Variants in CYS1 observed in about 807,000 individuals in gnomAD.
The protein encoded by CYS1 is cystin 1, also known as cystin-1.
CYS1 carries 5 observed loss-of-function variants against 9.6 expected under a neutral mutation model. The ratio of observed to expected loss-of-function variants is 0.52; its 90% CI spans 0.27 to 1.10. The LOEUF (loss-of-function observed/expected upper bound fraction) is 1.10, where lower values mean the gene tolerates loss of function less well. CYS1 is among the 50% of genes least tolerant of loss of function. The pLI, the probability that CYS1 is intolerant of heterozygous loss-of-function variation, is 0.11. For synonymous variants in CYS1, 88 were observed against 95.7 expected, an observed-to-expected ratio of 0.92 and a Z score of 0.47; for missense variants, 221 against 207.9, an observed-to-expected ratio of 1.06 and a Z score of -0.39.
intron 1 of CYS1, among the ~76,000 whole-genome samples, chr2:10,073,746 A>G (rs1661807632): frequency 6.6e-6 from 1 of 152,090 alleles, no homozygotes; most frequent in African/African-American, 2.4e-5. Flanking sequence ...CAAGGTTAAG[A>G]GCTCTTGGTC....
intron 1 of CYS1, among the ~76,000 whole-genome samples, chr2:10,073,984 C>T (rs530161383): frequency 6.6e-6 from 1 of 152,176 alleles, no homozygotes; most frequent in East Asian, 1.9e-4. Context: ...TCCCCCGGGT[C>T]GAGGCACTGG....
intron 1 of CYS1, among the ~76,000 whole-genome samples, chr2:10,068,047 G>A (rs1572457266): frequency 6.6e-6 from 1 of 152,158 alleles, no homozygotes; most frequent in African/African-American, 2.4e-5. Context: ...TCTCTATGCT[G>A]TGTTCTGGGT....
At chr2:10,067,542 G>A (rs1370688415) in intron 1 of CYS1, among the ~76,000 whole-genome samples, 7 of 151,334 alleles carry the variant, frequency 4.6e-5, no homozygotes, top group Non-Finnish European at 8.8e-5. Flanking sequence ...CGTGTAGCTG[G>A]GACTACAGGC....
chr2:10,080,339 G>T lies in CYS1; in HGVS notation c.-116C>A, dbSNP rs1661933429. 1 of 628,654 alleles carries T rather than the reference G, an allele frequency of 1.6e-6. No homozygotes were observed. The highest frequency in any genetic ancestry group is 2.0e-6 in the Non-Finnish European group (1 of 501,784). The allele number at this position is 628,654 out of a possible 1,614,324, so 38.9% of individuals were successfully genotyped here. ...GCTGCAGGGGGAGGCGCGGGGCGAGGTCCGGGAAGCGACCGCGGCCAGGGG... is the reference window on the plus strand; with the variant it reads ...GCTGCAGGGGGAGGCGCGGGGCGAGTTCCGGGAAGCGACCGCGGCCAGGGG... On this transcript the variant is annotated 5_prime_UTR_variant, in exon 1 of 3. Transcript: ENST00000381813. The surrounding 1 kb of genome is among the most constrained non-coding windows in gnomAD (Gnocchi z 6.4).
chr2:10,076,262 A>T lies in CYS1; in HGVS notation c.318+3644T>A, dbSNP rs1285794316. ...AATTTCTTCTCCAAGGGTTCCTTCAAATTTCACGAGGGCATCTAATGCTCA... is the reference window on the plus strand; with the variant it reads ...AATTTCTTCTCCAAGGGTTCCTTCATATTTCACGAGGGCATCTAATGCTCA... On this transcript the variant is annotated intron_variant, in intron 1 of 2. Transcript: ENST00000381813. This position sits in a 1 kb window ranked among gnomAD's most constrained non-coding sequence, Gnocchi z 4.3. Among the ~76,000 whole-genome samples the T allele has an allele frequency of 2.0e-5, 3 of 152,126 alleles. No individual in the cohort carries two copies. The highest frequency in any genetic ancestry group is 4.4e-5 in the Non-Finnish European group (3 of 68,024).
intron 1 of CYS1, among the ~76,000 whole-genome samples, chr2:10,077,496 G>A (rs376190251): frequency 7.2e-5 from 11 of 152,282 alleles, no homozygotes; most frequent in Admixed American, 5.2e-4. Flanking sequence ...GCTATTAAAG[G>A]TTTCTTTTCC....
At chr2:10,075,281 G>A (rs970068233) in intron 1 of CYS1, among the ~76,000 whole-genome samples, 1 of 152,192 alleles carries the variant, frequency 6.6e-6, no homozygotes, top group Admixed American at 6.5e-5. Context: ...GGATTCCCAC[G>A]CCTCCACGTG....
chr2:10,065,598 T>C (rs1290213163), intron 2 of CYS1, among the ~76,000 whole-genome samples: 4 of 152,378 alleles, frequency 2.6e-5, no homozygotes, highest in African/African-American at 9.6e-5. Flanking sequence ...GCGCACAGCA[T>C]GGCACCTGAA....
rs912049007 is a variant in CYS1 at position 10,059,069 on chromosome 2, G to T, written c.372-111C>A. Reference sequence around the variant, plus strand: ...GTGGGCCCATCCTGAAACCCAAACCGAAGTCTTTGCCCTGGGACACCCTGT... The same window carrying T: ...GTGGGCCCATCCTGAAACCCAAACCTAAGTCTTTGCCCTGGGACACCCTGT... On this transcript the variant is annotated intron_variant, in intron 2 of 2. Transcript: ENST00000381813. The T allele has an allele frequency of 2.7e-5, 27 of 1,013,756 alleles. No homozygotes were observed. The South Asian group carries it at 3.9e-4, about 15-fold the overall frequency. 62.8% of individuals were successfully genotyped at this position (1,013,756 alleles called of 1,614,324 possible). A position where few individuals can be genotyped will look rare whatever the true frequency, so the allele number is the denominator to read the frequency against.
intron 1 of CYS1, among the ~76,000 whole-genome samples, chr2:10,073,385 C>T (rs1167309715): frequency 1.3e-5 from 2 of 152,170 alleles, no homozygotes; most frequent in African/African-American, 2.4e-5. Flanking sequence ...GTGTGGATTG[C>T]GGTTGGCCTG....
Position 10,063,369 on chromosome 2 carries a change from G to T in CYS1, c.371+2535C>A, listed in dbSNP as rs1661653690. Among the ~76,000 whole-genome samples, 1 of 152,194 alleles carries T rather than the reference G, an allele frequency of 6.6e-6. No individual in the cohort carries two copies. Among genetic ancestry groups the T allele is most frequent in the Admixed American group, 6.5e-5 (1 of 15,274 alleles). ...TGACCAGGAAGGGGATAGAGTATGA[G>T]GGGGAGATGTTTAAACTGTGCTTTG... On this transcript the variant is annotated intron_variant, in intron 2 of 2. Transcript: ENST00000381813. This position sits in a 1 kb window ranked among gnomAD's most constrained non-coding sequence, Gnocchi z 4.2.
intron 1 of CYS1, among the ~76,000 whole-genome samples, chr2:10,069,687 A>T (rs571529316): frequency 5.9e-4 from 90 of 152,028 alleles, no homozygotes; most frequent in African/African-American, 1.8e-3. Context: ...TTTAAAAAAA[A>T]TTTTTTTTTT....
intron 1 of CYS1, among the ~76,000 whole-genome samples, chr2:10,068,631 GA>G (rs1268303069): frequency 1.3e-5 from 2 of 152,084 alleles, no homozygotes; most frequent in Non-Finnish European, 2.9e-5. Flanking sequence ...CTGTTCAAAG[GA>G]AAAAACTTTT....
intron 1 of CYS1, among the ~76,000 whole-genome samples, chr2:10,077,560 C>T (rs1661867531): frequency 6.6e-6 from 1 of 152,210 alleles, no homozygotes; most frequent in Non-Finnish European, 1.5e-5. Context: ...TGCAGTGGCT[C>T]ACACCTGTAA....
At chr2:10,062,547 C>T (rs1295851638) in intron 2 of CYS1, among the ~76,000 whole-genome samples, 2 of 151,884 alleles carry the variant, frequency 1.3e-5, no homozygotes, top group Admixed American at 6.6e-5. Flanking sequence ...AATACAGGCA[C>T]GTGCCACCAC....
chr2:10,056,591 C>T lies in CYS1; in HGVS notation c.*2262G>A, dbSNP rs531057145. ...ATCCTGGCAGTGAGCAAATCCCACA[C>T]GCAGTTCTAGCAGGACGCTGAGGCT... On this transcript the variant is annotated 3_prime_UTR_variant, in exon 3 of 3. Transcript: ENST00000381813. Among the ~76,000 whole-genome samples, 180 of 152,350 alleles carry T rather than the reference C, an allele frequency of 1.2e-3. No homozygotes were observed. The highest frequency in any genetic ancestry group is 1.9e-3 in the Non-Finnish European group (127 of 68,036).
chr2:10,071,718 AAGACACAGCAGCCCCAGATGGTGGCTCC>A (rs1452438145), intron 1 of CYS1, among the ~76,000 whole-genome samples: 5 of 152,218 alleles, frequency 3.3e-5, no homozygotes, highest in African/African-American at 1.2e-4. Context: ...ATGAAAAGCA[AAGACACAGCAGCCCCAGATGGTGGCTCC>A]AGCCTCCTGC....
chr2:10,068,023 A>G (rs547129997), intron 1 of CYS1, among the ~76,000 whole-genome samples: 3 of 150,358 alleles, frequency 2.0e-5, no homozygotes, highest in Admixed American at 6.6e-5. Context: ...GCTATCTTGT[A>G]TCAGGTCCTT....
rs1484535478 is a variant in CYS1, at chr2:10,056,792, CT to C, written c.*2060del. 1.3e-5 allele frequency: 2 copies of C among 152,236 alleles called. No homozygotes were observed. The highest frequency in any genetic ancestry group is 3.8e-4 in the East Asian group (2 of 5,198). The allele number at this position is 152,236 out of a possible 1,614,324, so 9.4% of individuals were successfully genotyped here. A position where few individuals can be genotyped will look rare whatever the true frequency, so the allele number is the denominator to read the frequency against. ...GGGCCGGCTCAGCGGCTGGTACACACTGCTTTATTTGTTCTTTTTATTATTA... is the reference window on the plus strand; with the variant it reads ...GGGCCGGCTCAGCGGCTGGTACACACGCTTTATTTGTTCTTTTTATTATTA... On this transcript the variant is annotated 3_prime_UTR_variant, in exon 3 of 3. Transcript: ENST00000381813.
Sources: gnomAD v4.1 joint callset for allele counts (sites outside exome capture counted in the v4.1 genomes callset) on GRCh38, gnomAD v4.1.1 for gene constraint, Gnocchi (gnomAD v3.1) non-coding constraint, MANE v1.5 for transcripts, NCBI Gene and HGNC (gene_info 2026-07-23, HGNC 2026-07-21) for gene names.